ZNF407: variants seen among roughly 807,000 people sequenced by gnomAD.
The protein encoded by ZNF407 is zinc finger protein 407.
In ZNF407, 17 loss-of-function variants were observed where a neutral mutation model predicts 131.2. That is an observed-to-expected ratio of 0.13 (90% CI 0.09 to 0.19). The LOEUF is 0.19. ZNF407 is among the 10% of genes least tolerant of loss of function. The pLI is 1.00. For missense variants in ZNF407, 2,681 were observed against 2,830.6 expected, an observed-to-expected ratio of 0.95 and a Z score of 1.20; for synonymous variants, 1,156 against 1,062.0, an observed-to-expected ratio of 1.09 and a Z score of -1.72.
Position 74,726,768 on chromosome 18 carries a change from G to A in ZNF407, c.4803-54660G>A, listed in dbSNP as rs1968168204. Among the ~76,000 whole-genome samples, 2 of 152,146 alleles carry A rather than the reference G, an allele frequency of 1.3e-5. 1 individual carries two copies. The highest frequency in any genetic ancestry group is 4.1e-4 in the South Asian group (2 of 4,828). ...ACATTAGTTTTCATCTCCATAGGGAGATATTTAAGTTTCAATTCTGCAGAA... is the reference window on the plus strand; with the variant it reads ...ACATTAGTTTTCATCTCCATAGGGAAATATTTAAGTTTCAATTCTGCAGAA... On this transcript the variant is annotated intron_variant, in intron 3 of 8. Coordinates refer to ENST00000299687, the MANE Select transcript of ZNF407 (RefSeq NM_017757.3).
chr18:74,927,686 T>C (rs7506552), intron 8 of ZNF407, among the ~76,000 whole-genome samples: 2 of 152,208 alleles, frequency 1.3e-5, no homozygotes, highest in Non-Finnish European at 2.9e-5. Flanking sequence ...AGCTTGAAAA[T>C]TGTATTCTTT....
chr18:75,021,368 C>T (rs1033353445), intron 8 of ZNF407, among the ~76,000 whole-genome samples: 2 of 152,048 alleles, frequency 1.3e-5, no homozygotes, highest in African/African-American at 4.8e-5. Flanking sequence ...TCCTTGGGCT[C>T]AAGTGATCCT....
At chr18:74,656,844 A>C (rs1356342763) in intron 3 of ZNF407, among the ~76,000 whole-genome samples, 1 of 152,208 alleles carries the variant, frequency 6.6e-6, no homozygotes, top group Non-Finnish European at 1.5e-5. Flanking sequence ...AGATTAAAAA[A>C]TCCCATCACT....
In ZNF407 at chr18:75,064,039, G is replaced by A. The variant is rs778671122; in HGVS notation, c.6318G>A (p.Val2106=). 2 of 1,599,932 alleles carry A rather than the reference G, an allele frequency of 1.3e-6. No individual in the cohort carries two copies. The highest frequency in any genetic ancestry group is 1.3e-5 in the African/African-American group (1 of 74,604). Residue 2106 remains valine (V), a synonymous_variant, in exon 9 of 9, where the codon GTG becomes GTA. Coordinates refer to ENST00000299687, the MANE Select transcript of ZNF407 (RefSeq NM_017757.3). ...TCAAGGACGGTGTCACCCAGGTGGT[G>A]GTGAGCGAAGAGGGTGCCGTCCACA... ...QLVKDGVTQV[V]VSEEGAVHMV...
chr18:74,750,290 CT>C (rs1214966307), intron 3 of ZNF407, among the ~76,000 whole-genome samples: 1 of 152,052 alleles, frequency 6.6e-6, no homozygotes, highest in East Asian at 1.9e-4. Context: ...CAGTTAATTG[CT>C]TTTGTCGCTC....
chr18:74,636,276 C>T (rs1056352008), intron 2 of ZNF407, among the ~76,000 whole-genome samples: 1 of 152,268 alleles, frequency 6.6e-6, no homozygotes, highest in Middle Eastern at 3.4e-3. Flanking sequence ...CTGATTTAGT[C>T]TCTGTGCTCT....
At chr18:74,804,537 C>G in intron 4 of ZNF407, 1 of 987,288 alleles carries the variant, frequency 1.0e-6, no homozygotes. Flanking sequence ...AGGCTAAATA[C>G]ATTGCTTTGT....
intron 4 of ZNF407, chr18:74,804,394 G>A: frequency 1.3e-5 from 13 of 1,018,114 alleles, no homozygotes; most frequent in Admixed American, 5.4e-5. Flanking sequence ...CAAATGCCTG[G>A]CATATTCAGT....
At chr18:74,679,955 A>T (rs1362967256) in intron 3 of ZNF407, among the ~76,000 whole-genome samples, 1 of 152,158 alleles carries the variant, frequency 6.6e-6, no homozygotes, top group Non-Finnish European at 1.5e-5. Flanking sequence ...TTCTAGATGG[A>T]CCCGTTATTA....
intron 3 of ZNF407, among the ~76,000 whole-genome samples, chr18:74,755,885 CTTT>C (rs34750560): frequency 4.6e-4 from 12 of 25,826 alleles, no homozygotes; most frequent in South Asian, 4.3e-3. Context: ...CTTTTCCTTC[CTTT>C]TTTTTTTTTT....
At chr18:74,902,854 A>G (rs1021773275) in intron 7 of ZNF407, among the ~76,000 whole-genome samples, 1 of 152,208 alleles carries the variant, frequency 6.6e-6, no homozygotes, top group African/African-American at 2.4e-5. Context: ...CGTAGTATAA[A>G]TATTGGACTG....
chr18:74,827,184 G>T (rs1970420566), intron 4 of ZNF407, among the ~76,000 whole-genome samples: 1 of 152,094 alleles, frequency 6.6e-6, no homozygotes, highest in African/African-American at 2.4e-5. Context: ...TTTTCTTATT[G>T]TTAGACCCGG....
At chr18:74,996,293 A>G (rs1015483840) in intron 8 of ZNF407, among the ~76,000 whole-genome samples, 2 of 152,128 alleles carry the variant, frequency 1.3e-5, no homozygotes, top group African/African-American at 2.4e-5. Context: ...TCCTGTGTGA[A>G]TAAGAGCATT....
chr18:74,971,326 G>C (rs1169526567), intron 8 of ZNF407, among the ~76,000 whole-genome samples: 1 of 152,234 alleles, frequency 6.6e-6, no homozygotes, highest in East Asian at 1.9e-4. Flanking sequence ...CTCCCAGAAA[G>C]TGGGTTTTTC....
chr18:74,763,345 G>A (rs904391989), intron 3 of ZNF407, among the ~76,000 whole-genome samples: 1 of 151,088 alleles, frequency 6.6e-6, no homozygotes, highest in African/African-American at 2.4e-5. Context: ...CTAGAGATAA[G>A]CTTTTTATTA....
intron 3 of ZNF407, among the ~76,000 whole-genome samples, chr18:74,660,973 A>C (rs964301194): frequency 1.3e-5 from 2 of 152,202 alleles, no homozygotes; most frequent in Non-Finnish European, 2.9e-5. Context: ...AAGCTGTCTC[A>C]CCACCTCATG....
chr18:75,017,749 GCCT>G (rs1306619934), intron 8 of ZNF407, among the ~76,000 whole-genome samples: 5 of 152,092 alleles, frequency 3.3e-5, no homozygotes, highest in African/African-American at 1.2e-4. Context: ...TATAATGGTA[GCCT>G]CCTCATTGCT....
intron 4 of ZNF407, among the ~76,000 whole-genome samples, chr18:74,865,248 T>C (rs1176255255): frequency 1.3e-5 from 2 of 152,228 alleles, no homozygotes; most frequent in Admixed American, 1.3e-4. Flanking sequence ...GGACATCAGT[T>C]CATTTCCATC....
At chr18:74,978,458 C>T (rs1358277979) in intron 8 of ZNF407, among the ~76,000 whole-genome samples, 2 of 152,000 alleles carry the variant, frequency 1.3e-5, no homozygotes, top group Non-Finnish European at 2.9e-5. Context: ...TGGAGGCAAG[C>T]ATTCATTAAG....
Sources: allele counts gnomAD v4.1 joint callset (sites outside exome capture counted in the v4.1 genomes callset), GRCh38; gene constraint gnomAD v4.1.1; transcripts MANE v1.5; gene names NCBI Gene and HGNC (gene_info 2026-07-23, HGNC 2026-07-21).